ASCC3: variants seen among roughly 807,000 people sequenced by gnomAD.
ASCC3 encodes the protein ASC-1 complex subunit P200.
In ASCC3, 158 loss-of-function variants were observed where a neutral mutation model predicts 256.3. That is an observed-to-expected ratio of 0.62 (90% confidence interval 0.54 to 0.70). The LOEUF (loss-of-function observed/expected upper bound fraction) is 0.70, where lower values mean the gene tolerates loss of function less well. ASCC3 is among the 30% of genes least tolerant of loss of function. ASCC3 has a pLI of 0.00. For synonymous variants in ASCC3, 948 were observed against 883.4 expected (o/e 1.07, Z -1.30); for missense variants, 2,259 against 2,626.0 (o/e 0.86, Z 3.05).
rs1772032376 is a variant in ASCC3, at chr6:100,839,385, A to C, written c.801+8763T>G. On this transcript the variant is annotated intron_variant, in intron 4 of 41. Transcript: ENST00000369162. ...GTATGAAATTTGTCAAACTTGTCTT[A>C]CTCCTTGAGCAACCATTCCAATCAA... Among the ~76,000 whole-genome samples, 3 of 152,232 alleles carry C rather than the reference A, an allele frequency of 2.0e-5. No homozygotes were observed. In the South Asian group the frequency reaches 6.2e-4, roughly 32 times the overall value.
intron 14 of ASCC3, among the ~76,000 whole-genome samples, chr6:100,677,328 T>C (rs1226655989): frequency 7.0e-6 from 1 of 143,128 alleles, no homozygotes; most frequent in Non-Finnish European, 1.5e-5. Flanking sequence ...AATGTTCTTC[T>C]ATTTTATTTA....
rs149464276 is a variant in ASCC3 at position 100,713,004 on chromosome 6, T to G, written c.2151+2458A>C. On this transcript the variant is annotated intron_variant, in intron 13 of 41. Coordinates refer to ENST00000369162, the MANE Select transcript of ASCC3 (RefSeq NM_006828.4). ...CCATCTCCTGACCTCGTGATCCACC[T>G]GCCTCGGCCTCCCAAAGTGCTGAGA... 0.013 allele frequency among the ~76,000 whole-genome samples: 1,946 copies of G among 152,082 alleles called. 97 individuals carry two copies. In the East Asian group the frequency reaches 0.15, roughly 11 times the overall value.
chr6:100,559,262 T>C (rs1343177499), intron 36 of ASCC3, among the ~76,000 whole-genome samples: 1 of 152,160 alleles, frequency 6.6e-6, no homozygotes. Context: ...TCAAACAAGA[T>C]TTTTTACAAC....
At chr6:100,608,025 T>C (rs1772994212) in intron 30 of ASCC3, among the ~76,000 whole-genome samples, 1 of 139,032 alleles carries the variant, frequency 7.2e-6, no homozygotes, top group African/African-American at 2.6e-5. Context: ...AATATGTATA[T>C]ATATATTTAT....
At position 100,712,674 on chromosome 6, in the gene ASCC3, T is replaced by C. The variant is rs575928488; in HGVS notation, c.2151+2788A>G. Among the ~76,000 whole-genome samples, 48 of 151,986 alleles carry C rather than the reference T, an allele frequency of 3.2e-4. 1 individual carries two copies. In the South Asian group the frequency reaches 9.6e-3, roughly 30 times the overall value. ...TCTCTAATGGGTATGAAAAATGGTA[T>C]AGGTATTTTGGAAGATAGTTTGGTA... On this transcript the variant is annotated intron_variant, in intron 13 of 41. Transcript: ENST00000369162.
intron 2 of ASCC3, 82 bp downstream of exon 2, chr6:100,867,826 A>G (rs1421634189): frequency 2.5e-6 from 3 of 1,210,866 alleles, no homozygotes; most frequent in African/African-American, 3.0e-5. Flanking sequence ...AACCACATAG[A>G]ATGGAGAAAA....
At chr6:100,864,565 G>C (rs925562990) in intron 2 of ASCC3, among the ~76,000 whole-genome samples, 3 of 151,998 alleles carry the variant, frequency 2.0e-5, no homozygotes, top group Non-Finnish European at 4.4e-5. Flanking sequence ...TTTTCTAACT[G>C]CTTGTTTTTA....
At chr6:100,561,526 C>T (rs1044874967) in intron 36 of ASCC3, among the ~76,000 whole-genome samples, 4 of 152,078 alleles carry the variant, frequency 2.6e-5, no homozygotes, top group Admixed American at 6.6e-5. Context: ...GTGCGGGTCT[C>T]AAATGACAAT....
At chr6:100,550,271 C>T (rs1207774017) in intron 36 of ASCC3, among the ~76,000 whole-genome samples, 1 of 151,750 alleles carries the variant, frequency 6.6e-6, no homozygotes, top group East Asian at 1.9e-4. Context: ...TTTAGTACTG[C>T]AACCTGCATT....
intron 36 of ASCC3, among the ~76,000 whole-genome samples, chr6:100,587,353 A>G (rs1771753587): frequency 6.6e-6 from 1 of 152,164 alleles, no homozygotes. Flanking sequence ...GGATTTCTGG[A>G]AATTACACCA....
At chr6:100,616,992 CGTTGTTGTTGTT>C (rs141000454) in intron 30 of ASCC3, among the ~76,000 whole-genome samples, 8 of 151,096 alleles carry the variant, frequency 5.3e-5, no homozygotes, top group South Asian at 4.2e-4. Flanking sequence ...TTGTTGTTGT[CGTTGTTGTTGTT>C]GTTGTTGTTG....
At chr6:100,519,554 A>G (rs1015026530) in intron 37 of ASCC3, among the ~76,000 whole-genome samples, 32 of 152,170 alleles carry the variant, frequency 2.1e-4, no homozygotes, top group African/African-American at 7.2e-4. Flanking sequence ...AGAGTAGTTC[A>G]CAAGTCACAA....
chr6:100,792,012 C>T (rs772516345), intron 8 of ASCC3, among the ~76,000 whole-genome samples: 4 of 151,776 alleles, frequency 2.6e-5, no homozygotes, highest in Non-Finnish European at 5.9e-5. Context: ...AACAAATGGA[C>T]GAACCTGGAC....
chr6:100,579,976 T>C (rs1771118219), intron 36 of ASCC3, among the ~76,000 whole-genome samples: 1 of 152,172 alleles, frequency 6.6e-6, no homozygotes, highest in South Asian at 2.1e-4. Context: ...GGTTTTTCCA[T>C]TTGTTTGTGT....
intron 4 of ASCC3, among the ~76,000 whole-genome samples, chr6:100,808,341 A>T (rs1770291340): frequency 2.0e-5 from 3 of 151,984 alleles, no homozygotes; most frequent in Admixed American, 1.3e-4. Flanking sequence ...TAGCATAAAA[A>T]TTCATTGATA....
At chr6:100,601,664 T>C (rs968476640) in intron 34 of ASCC3, 146 bp downstream of exon 34, 9 of 841,090 alleles carry the variant, frequency 1.1e-5, no homozygotes, top group East Asian at 5.2e-5. Context: ...ACCAGAGATA[T>C]CATCTGATTC....
In ASCC3 at chr6:100,698,761, A is replaced by T. The variant is rs188410204; in HGVS notation, c.2151+16701T>A. Among the ~76,000 whole-genome samples the T allele has an allele frequency of 3.0e-3, 458 of 152,302 alleles. 6 individuals carry two copies. Among genetic ancestry groups the T allele is most frequent in the South Asian group, 0.019 (93 of 4,820 alleles). ...AAAAAATCCTTAAGAAGGTAGTCAA[A>T]GCTACCTTTGTTACTGTTCCACATC... On this transcript the variant is annotated intron_variant, in intron 13 of 41. Coordinates refer to ENST00000369162, the MANE Select transcript of ASCC3 (RefSeq NM_006828.4).
rs188097709 is a variant in ASCC3 at position 100,629,939 on chromosome 6, C to G, written c.4209-758G>C. On this transcript the variant is annotated intron_variant, in intron 26 of 41. Coordinates refer to ENST00000369162, the MANE Select transcript of ASCC3 (RefSeq NM_006828.4). ...TTGAGACAGAGTCTCATTTTGTCAC[C>G]AAGGCTAGAGTGTAGTGGCTTGATC... Among the ~76,000 whole-genome samples, 514 of 151,866 alleles carry G rather than the reference C, an allele frequency of 3.4e-3. 1 individual carries two copies. Among genetic ancestry groups the G allele is most frequent in the Non-Finnish European group, 4.8e-3 (329 of 67,954 alleles).
chr6:100,856,031 A>G (rs1391332589), intron 3 of ASCC3, among the ~76,000 whole-genome samples: 1 of 152,244 alleles, frequency 6.6e-6, no homozygotes, highest in Non-Finnish European at 1.5e-5. Flanking sequence ...CAAGAAATAT[A>G]GTTGCATCAA....
Sources: allele counts gnomAD v4.1 joint callset (sites outside exome capture counted in the v4.1 genomes callset), GRCh38; gene constraint gnomAD v4.1.1; transcripts MANE v1.5; gene names NCBI Gene and HGNC (gene_info 2026-07-23, HGNC 2026-07-21).